Variants in NPHP4 observed in about 807,000 individuals in gnomAD.
The protein encoded by NPHP4 is nephrocystin 4, also known as nephrocystin-4.
A neutral mutation model predicts 155.8 loss-of-function variants in NPHP4; 151 were observed. That is an observed-to-expected ratio of 0.97 (90% confidence interval 0.85 to 1.11). The LOEUF is 1.11. Among genes scored for constraint, NPHP4 ranks in the 50% least tolerant of loss-of-function variants. The probability of loss-of-function intolerance (pLI) is 0.00; values close to 1 mark genes in which losing one functional copy is unlikely to be tolerated. For synonymous variants in NPHP4, 845 were observed against 816.8 expected (o/e 1.03, Z -0.59); for missense variants, 1,956 against 1,925.7 (o/e 1.02, Z -0.29).
chr1:5,869,533 TTAAAAA>T (rs781696152), intron 23 of NPHP4, among the ~76,000 whole-genome samples: 10 of 151,868 alleles, frequency 6.6e-5, no homozygotes, highest in African/African-American at 9.7e-5. Context: ...TGTTAATGTA[TTAAAAA>T]TAAACAAATC....
At chr1:5,901,760 G>C (rs1644693703) in intron 16 of NPHP4, among the ~76,000 whole-genome samples, 1 of 152,212 alleles carries the variant, frequency 6.6e-6, no homozygotes, top group Non-Finnish European at 1.5e-5. Context: ...ACAGAGTGGG[G>C]AATGAGTCTT....
chr1:5,943,474 T>C (rs1646929884), intron 9 of NPHP4, among the ~76,000 whole-genome samples: 1 of 152,188 alleles, frequency 6.6e-6, no homozygotes, highest in Non-Finnish European at 1.5e-5. Context: ...AGCTTTTGCC[T>C]CCTGATCTGA....
At position 5,867,501 on chromosome 1, in the gene NPHP4, G is replaced by A; in HGVS notation, c.3472+239C>T. ...GCACACCTGGACCTGGGCCGCGGGA[G>A]CTGGGATTTTTTAGAAGGGCAGACT... On this transcript the variant is annotated intron_variant, in intron 24 of 29. Coordinates refer to ENST00000378156, the MANE Select transcript of NPHP4 (RefSeq NM_015102.5). The surrounding 1 kb of genome is among the most constrained non-coding windows in gnomAD (Gnocchi z 4.1). The A allele has an allele frequency of 1.7e-6, 1 of 583,418 alleles. No individual in the cohort carries two copies. Among genetic ancestry groups the A allele is most frequent in the African/African-American group, 1.9e-5 (1 of 53,694 alleles). 36.1% of individuals were successfully genotyped at this position (583,418 alleles called of 1,614,324 possible).
chr1:5,869,043 A>T (rs1412606080), intron 23 of NPHP4, among the ~76,000 whole-genome samples: 1 of 125,124 alleles, frequency 8.0e-6, no homozygotes, highest in Non-Finnish European at 1.7e-5. Context: ...ACATGCACAC[A>T]TGCCCCCACA....
intron 11 of NPHP4, among the ~76,000 whole-genome samples, chr1:5,921,923 C>T (rs534736800): frequency 3.3e-5 from 5 of 152,364 alleles, no homozygotes; most frequent in African/African-American, 9.6e-5. Flanking sequence ...GGAGTAACTG[C>T]TGCCACCCCA....
At chr1:5,943,919 G>A (rs894540722) in intron 9 of NPHP4, among the ~76,000 whole-genome samples, 3 of 152,150 alleles carry the variant, frequency 2.0e-5, no homozygotes, top group East Asian at 1.9e-4. Context: ...CAGGTGGAAC[G>A]GGACGGGAGA....
In NPHP4 at chr1:5,882,272, G is replaced by A. The variant is rs1282949073; in HGVS notation, c.2486-2033C>T. The A allele has an allele frequency of 3.2e-5, 4 of 124,778 alleles. No individual in the cohort carries two copies. Among genetic ancestry groups the A allele is most frequent in the African/African-American group, 1.2e-4 (4 of 33,254 alleles). 7.7% of individuals were successfully genotyped at this position (124,778 alleles called of 1,614,324 possible). A position where few individuals can be genotyped will look rare whatever the true frequency, so the allele number is the denominator to read the frequency against. On this transcript the variant is annotated intron_variant, in intron 18 of 29. Coordinates refer to ENST00000378156, the MANE Select transcript of NPHP4 (RefSeq NM_015102.5). This position sits in a 1 kb window ranked among gnomAD's most constrained non-coding sequence, Gnocchi z 5.1. ...GCTTACCCAGCCATCTCTCAGTGGC[G>A]CGCTTACCCAGCCATCTCTCAGTGG...
Position 5,865,039 on chromosome 1 carries a change from C to T in NPHP4, c.3816+63G>A. 4 of 1,542,224 alleles carry T rather than the reference C, an allele frequency of 2.6e-6. No individual in the cohort carries two copies. The Admixed American group carries it at 5.1e-5, about 20-fold the overall frequency. ...CACCCACTGTGCTCCAGCTGAATGC[C>T]CACTGCCCGTCTCCAGGCTGGGGTT... On this transcript the variant is annotated intron_variant, in intron 27 of 29. Coordinates refer to ENST00000378156, the MANE Select transcript of NPHP4 (RefSeq NM_015102.5).
intron 1 of NPHP4, among the ~76,000 whole-genome samples, chr1:5,990,393 C>T (rs1656055520): frequency 6.6e-6 from 1 of 151,710 alleles, no homozygotes; most frequent in South Asian, 2.1e-4. Flanking sequence ...AAGAGAAAAT[C>T]GAGAAGGCTC....
Position 5,892,726 on chromosome 1 carries a change from G to C in NPHP4, c.2144-1698C>G, listed in dbSNP as rs1319815247. Among the ~76,000 whole-genome samples, 2 of 152,002 alleles carry C rather than the reference G, an allele frequency of 1.3e-5. No homozygotes were observed. The highest frequency in any genetic ancestry group is 3.9e-4 in the East Asian group (2 of 5,186). ...CCTCCCTGTCCAGCTGAGACAAGTG[G>C]CTCCTCCGTGGCCACCCCTGAGGTC... On this transcript the variant is annotated intron_variant, in intron 16 of 29. Transcript: ENST00000378156. The surrounding 1 kb of genome is among the most constrained non-coding windows in gnomAD (Gnocchi z 4.5).
intron 6 of NPHP4, among the ~76,000 whole-genome samples, chr1:5,956,141 G>A (rs769123021): frequency 6.6e-6 from 1 of 151,696 alleles, no homozygotes; most frequent in East Asian, 1.9e-4. Flanking sequence ...CTTCCTTTAG[G>A]AAAGATCACT....
At chr1:5,985,751 C>T (rs1655380982) in intron 2 of NPHP4, among the ~76,000 whole-genome samples, 2 of 152,268 alleles carry the variant, frequency 1.3e-5, no homozygotes, top group South Asian at 2.1e-4. Flanking sequence ...AAGACTCAAA[C>T]GAGTAAGTGA....
At position 5,867,905 on chromosome 1, in the gene NPHP4, A is replaced by C; in HGVS notation, c.3316-9T>G. 1.2e-6 allele frequency: 2 copies of C among 1,613,956 alleles called. No individual in the cohort carries two copies. Among genetic ancestry groups the C allele is most frequent in the Non-Finnish European group, 1.7e-6 (2 of 1,179,856 alleles). ...CTCGCTCGGAACAAGACCTGTGAGG[A>C]GGCCACGCTGAGTGTTGGGATGGGC... On this transcript the variant is annotated splice_polypyrimidine_tract_variant and intron_variant, in intron 23 of 29. Transcript: ENST00000378156. The surrounding 1 kb of genome is among the most constrained non-coding windows in gnomAD (Gnocchi z 4.1).
At chr1:5,968,472 C>A (rs1246704292) in intron 4 of NPHP4, among the ~76,000 whole-genome samples, 1 of 151,976 alleles carries the variant, frequency 6.6e-6, no homozygotes, top group Non-Finnish European at 1.5e-5. Context: ...CATGGTGGCA[C>A]AGACCTGTAA....
chr1:5,912,320 C>G (rs1332593137), intron 11 of NPHP4, among the ~76,000 whole-genome samples: 1 of 152,122 alleles, frequency 6.6e-6, no homozygotes, highest in African/African-American at 2.4e-5. Flanking sequence ...GGGTGGATCA[C>G]AAGGTCAGGA....
chr1:5,978,511 A>C, intron 2 of NPHP4, 98 bp from the exon 3 acceptor site: 1 of 1,137,892 alleles, frequency 8.8e-7, no homozygotes, highest in Non-Finnish European at 1.3e-6. Context: ...CACCTCGCTC[A>C]GATATCAGCA....
At chr1:5,904,467 G>C in intron 16 of NPHP4, 150 bp downstream of exon 16, 1 of 531,820 alleles carries the variant, frequency 1.9e-6, no homozygotes, top group Non-Finnish European at 3.1e-6. Context: ...AGCTGCTGGG[G>C]CTAAGTGTTT....
At chr1:5,967,403 C>G in intron 4 of NPHP4, 40 bp from the exon 5 acceptor site, 1 of 1,524,178 alleles carries the variant, frequency 6.6e-7, no homozygotes, top group Non-Finnish European at 9.0e-7. Context: ...CAGCCACGTG[C>G]GCACTTCTCA....
chr1:5,979,623 A>G (rs1447852233), intron 2 of NPHP4, among the ~76,000 whole-genome samples: 1 of 152,108 alleles, frequency 6.6e-6, no homozygotes, highest in Non-Finnish European at 1.5e-5. Flanking sequence ...CCCAGGCTCA[A>G]GCAATCCTCC....
Sources: gnomAD v4.1 joint callset for allele counts (sites outside exome capture counted in the v4.1 genomes callset) on GRCh38, gnomAD v4.1.1 for gene constraint, Gnocchi (gnomAD v3.1) non-coding constraint, MANE v1.5 for transcripts, NCBI Gene and HGNC (gene_info 2026-07-23, HGNC 2026-07-21) for gene names.